The following TGFBR2 variants were observed in gnomAD, a reference collection of about 807,000 sequenced individuals.
TGFBR2 encodes TGF-beta receptor type-2.
A neutral mutation model predicts 49.0 loss-of-function variants in TGFBR2; 18 were observed. That is an observed-to-expected ratio of 0.37 (90% CI 0.25 to 0.54). TGFBR2 has a LOEUF of 0.54. TGFBR2 is among the 20% of genes least tolerant of loss of function. The probability of loss-of-function intolerance (pLI) is 0.85; values close to 1 mark genes in which losing one functional copy is unlikely to be tolerated. For synonymous variants in TGFBR2, 282 were observed against 275.9 expected (o/e 1.02, Z -0.22); for missense variants, 525 against 722.6 (o/e 0.73, Z 3.13).
intron 1 of TGFBR2, among the ~76,000 whole-genome samples, chr3:30,630,161 C>T (rs192365729): frequency 6.6e-6 from 1 of 152,252 alleles, no homozygotes; most frequent in East Asian, 1.9e-4. Context: ...GAAACATAGT[C>T]AAAATGCACT....
intron 1 of TGFBR2, among the ~76,000 whole-genome samples, chr3:30,627,682 A>T (rs1012476243): frequency 6.6e-6 from 1 of 151,916 alleles, no homozygotes; most frequent in Non-Finnish European, 1.5e-5. Flanking sequence ...CACTGGTATA[A>T]GATATTTTCA....
chr3:30,621,738 G>T (rs1234642287), intron 1 of TGFBR2, among the ~76,000 whole-genome samples: 1 of 152,192 alleles, frequency 6.6e-6, no homozygotes, highest in African/African-American at 2.4e-5. Context: ...GAGGACGTTT[G>T]TGGTAAGTAG....
At chr3:30,667,474 T>A (rs1488277909) in intron 3 of TGFBR2, among the ~76,000 whole-genome samples, 1 of 152,210 alleles carries the variant, frequency 6.6e-6, no homozygotes, top group Non-Finnish European at 1.5e-5. Flanking sequence ...GTTTCAAGAT[T>A]GACAGATGTT....
At chr3:30,631,333 C>G (rs1026814013) in intron 1 of TGFBR2, among the ~76,000 whole-genome samples, 1 of 152,090 alleles carries the variant, frequency 6.6e-6, no homozygotes, top group Non-Finnish European at 1.5e-5. Context: ...AGCCACCGTG[C>G]CAGGCCGGGA....
chr3:30,645,594 T>C (rs1436664696), intron 2 of TGFBR2, among the ~76,000 whole-genome samples: 1 of 150,364 alleles, frequency 6.7e-6, no homozygotes, highest in Non-Finnish European at 1.5e-5. Flanking sequence ...CAAGCGTTTC[T>C]CTTGTCTCAG....
rs886058322 is a variant in TGFBR2, at chr3:30,693,458, G to A, written c.*1859G>A. ...AACTTTTTGAAGCTACTTATTTTCA[G>A]CCAAATAGGAATATTAGAGAGGGAC... is the stretch of plus-strand genomic sequence containing the variant. On this transcript the variant is annotated 3_prime_UTR_variant, in exon 7 of 7. Transcript: ENST00000295754. 4.3e-6 allele frequency: 1 copy of A among 233,602 alleles called. No individual in the cohort carries two copies. The highest frequency in any genetic ancestry group is 5.6e-5 in the Admixed American group (1 of 17,796). The allele number at this position is 233,602 out of a possible 1,614,324, so 14.5% of individuals were successfully genotyped here.
rs567129339 is a variant in TGFBR2, at chr3:30,676,367, G to A, written c.1396+2121G>A. Among the ~76,000 whole-genome samples the A allele has an allele frequency of 6.6e-5, 10 of 152,110 alleles. No homozygotes were observed. The highest frequency in any genetic ancestry group is 2.4e-4 in the African/African-American group (10 of 41,480). ...ATTTGATGATCTATGACTAATTCCT[G>A]CCTATAACAATTATTACTATAATGT... is the stretch of plus-strand genomic sequence containing the variant. On this transcript the variant is annotated intron_variant, in intron 5 of 6. Coordinates refer to ENST00000295754, the MANE Select transcript of TGFBR2 (RefSeq NM_003242.6). This position sits in a 1 kb window ranked among gnomAD's most constrained non-coding sequence, Gnocchi z 4.3.
chr3:30,633,002 T>G (rs1395505151), intron 1 of TGFBR2, among the ~76,000 whole-genome samples: 5 of 152,224 alleles, frequency 3.3e-5, no homozygotes, highest in Admixed American at 3.3e-4. Flanking sequence ...CCTTGTATAC[T>G]TTCTTCAACT....
chr3:30,636,155 A>ATGTATGTGTGTG (rs1698524857), intron 1 of TGFBR2, among the ~76,000 whole-genome samples: 1 of 134,638 alleles, frequency 7.4e-6, no homozygotes, highest in Non-Finnish European at 1.6e-5. Flanking sequence ...ATATATATGT[A>ATGTATGTGTGTG]TGTGTGTGTG....
intron 1 of TGFBR2, among the ~76,000 whole-genome samples, chr3:30,634,673 C>T (rs1421959248): frequency 6.6e-6 from 1 of 152,164 alleles, no homozygotes; most frequent in Non-Finnish European, 1.5e-5. Flanking sequence ...AATGTTTTGA[C>T]CATCACCAAG....
chr3:30,640,680 G>T (rs148315798), intron 1 of TGFBR2, among the ~76,000 whole-genome samples: 5 of 152,228 alleles, frequency 3.3e-5, no homozygotes, highest in African/African-American at 9.6e-5. Flanking sequence ...TTGCATCCAC[G>T]GTTGATGGAA....
rs139515619 is a variant in TGFBR2 at position 30,650,161 on chromosome 3, T to C, written c.264-109T>C. 3.8e-5 allele frequency: 44 copies of C among 1,160,294 alleles called. No individual in the cohort carries two copies. In the African/African-American group the frequency reaches 4.2e-4, roughly 11 times the overall value. 71.9% of individuals were successfully genotyped at this position (1,160,294 alleles called of 1,614,324 possible). On this transcript the variant is annotated intron_variant, in intron 2 of 6. Coordinates refer to ENST00000295754, the MANE Select transcript of TGFBR2 (RefSeq NM_003242.6). ...GCTGCCGTTGTTAGGAACAACTTCA[T>C]GAAGGAAAAGTATTCCAGATTGCCT...
rs1162004406 is a variant in TGFBR2, at chr3:30,694,017, T to C, written c.*2418T>C. ...CTATATACTCTTTTTATATCAAAAG[T>C]CTCAAGCACTTATTTTTATTCTATG... On this transcript the variant is annotated 3_prime_UTR_variant, in exon 7 of 7. Transcript: ENST00000295754. 7 of 230,124 alleles carry C rather than the reference T, an allele frequency of 3.0e-5. No individual in the cohort carries two copies. The highest frequency in any genetic ancestry group is 5.7e-5 in the Admixed American group (1 of 17,660). The allele number at this position is 230,124 out of a possible 1,614,324, so 14.3% of individuals were successfully genotyped here.
intron 3 of TGFBR2, among the ~76,000 whole-genome samples, chr3:30,663,204 A>G (rs927938271): frequency 3.3e-5 from 5 of 152,204 alleles, no homozygotes; most frequent in African/African-American, 9.7e-5. Flanking sequence ...GTGTGTGTAT[A>G]CAGATACTAA....
chr3:30,687,696 T>C (rs1699648377), intron 5 of TGFBR2, among the ~76,000 whole-genome samples: 1 of 152,244 alleles, frequency 6.6e-6, no homozygotes, highest in Admixed American at 6.5e-5. Flanking sequence ...TACTGAAATT[T>C]GCTCAACTGA....
At chr3:30,678,285 C>T (rs897049684) in intron 5 of TGFBR2, among the ~76,000 whole-genome samples, 5 of 152,086 alleles carry the variant, frequency 3.3e-5, no homozygotes, top group African/African-American at 9.7e-5. Flanking sequence ...CGGTGGCTCA[C>T]GCCTGTAATC....
intron 1 of TGFBR2, among the ~76,000 whole-genome samples, chr3:30,643,623 T>G (rs1408397628): frequency 6.6e-6 from 1 of 152,236 alleles, no homozygotes; most frequent in Non-Finnish European, 1.5e-5. Flanking sequence ...GGGCCAAACA[T>G]GGACTCCTTG....
Position 30,663,444 on chromosome 3 carries a change from TTGTC to T in TGFBR2, c.455-8191_455-8188del, listed in dbSNP as rs1357851186. Among the ~76,000 whole-genome samples, 4 of 152,292 alleles carry T rather than the reference TTGTC, an allele frequency of 2.6e-5. No individual in the cohort carries two copies. In the East Asian group the frequency reaches 7.7e-4, roughly 29 times the overall value. Reference sequence around the variant, plus strand: ...TACTTTATAAAGGCACTTTGTAGATTTGTCTGATGATTTGATTAATTCAGATTAA... The same window carrying T: ...TACTTTATAAAGGCACTTTGTAGATTTGATGATTTGATTAATTCAGATTAA... On this transcript the variant is annotated intron_variant, in intron 3 of 6. Transcript: ENST00000295754.
chr3:30,631,825 A>T (rs1196747394), intron 1 of TGFBR2, among the ~76,000 whole-genome samples: 2 of 151,900 alleles, frequency 1.3e-5, no homozygotes, highest in African/African-American at 4.8e-5. Context: ...AGGCACAGAG[A>T]GTGGTTGGGT....
Sources: allele counts gnomAD v4.1 joint callset (sites outside exome capture counted in the v4.1 genomes callset), GRCh38; gene constraint gnomAD v4.1.1; non-coding constraint Gnocchi (gnomAD v3.1); transcripts MANE v1.5; gene names NCBI Gene and HGNC (gene_info 2026-07-23, HGNC 2026-07-21).